Variants in TCP1 observed in about 807,000 individuals in gnomAD.
TCP1 encodes t-complex 1.
TCP1 carries 6 observed loss-of-function variants against 54.7 expected under a neutral mutation model. The observed-to-expected ratio is 0.11, with a 90% CI of 0.06 to 0.22. The LOEUF is 0.22. Ranked by LOEUF, TCP1 falls within the 10% of genes least tolerant of loss-of-function variation. The pLI is 1.00. For synonymous variants in TCP1, 225 were observed against 229.7 expected (o/e 0.98, Z 0.19); for missense variants, 511 against 678.2 (o/e 0.75, Z 2.74).
intron 4 of TCP1, 86 bp from the exon 5 acceptor site, chr6:159,785,582 T>A: frequency 9.3e-7 from 1 of 1,074,944 alleles, no homozygotes; most frequent in Non-Finnish European, 1.4e-6. Context: ...AGAGCCAAAA[T>A]GTCGTAAGTA....
Position 159,789,487 on chromosome 6 carries a change from C to G in TCP1, c.-19G>C. 6.2e-7 allele frequency: 1 copy of G among 1,613,782 alleles called. No homozygotes were observed. The highest frequency in any genetic ancestry group is 2.2e-5 in the East Asian group (1 of 44,844). On this transcript the variant is annotated 5_prime_UTR_variant, in exon 1 of 12. Transcript: ENST00000321394. The stretch of plus-strand genomic sequence containing the variant: ...CCTCCATCTTGACGGCAGCGATACA[C>G]GTCGAATTCTGCTTACACCGCGGGC...
intron 3 of TCP1, among the ~76,000 whole-genome samples, chr6:159,787,162 G>A (rs1483948659): frequency 2.6e-5 from 4 of 152,016 alleles, no homozygotes; most frequent in Admixed American, 2.6e-4. Context: ...GCTAAGGCAG[G>A]AGGATTGCTT....
At chr6:159,780,161 C>A (rs1780538458) in intron 9 of TCP1, 74 bp from the exon 10 acceptor site, 17 of 1,524,300 alleles carry the variant, frequency 1.1e-5, no homozygotes, top group Non-Finnish European at 1.5e-5. Flanking sequence ...ATCAATTTCT[C>A]AAAAAAAATG....
chr6:159,789,297 C>T, intron 1 of TCP1, 108 bp downstream of exon 1: 2 of 1,307,664 alleles, frequency 1.5e-6, no homozygotes, highest in African/African-American at 1.5e-5. Context: ...GGCCCCGAGG[C>T]CCTTTCTGCG....
chr6:159,781,057 T>C lies in TCP1; in HGVS notation c.851A>G (p.Asn284Ser), dbSNP rs777637046. 24 of 1,611,944 alleles carry C rather than the reference T, an allele frequency of 1.5e-5. No individual in the cohort carries two copies. The highest frequency in any genetic ancestry group is 1.5e-5 in the Non-Finnish European group (18 of 1,179,448). ...RIQKILATGANVILTTGGIDD... is the reference protein window; with the variant it reads ...RIQKILATGASVILTTGGIDD... ...AATTCCACCAGTGGTTAGAATAACA[T>C]TGGCACCAGTTGCCAGGATCTTCTG... The change falls in exon 8 of 12, where the codon AAT becomes AGT. Residue 284 changes from asparagine to serine, a missense_variant. Asn to Ser is a conservative substitution (Grantham distance 46). Coordinates refer to ENST00000321394, the MANE Select transcript of TCP1 (RefSeq NM_030752.3).
chr6:159,784,688 G>C lies in TCP1; in HGVS notation c.648C>G (p.Leu216=). 6.2e-7 allele frequency: 1 copy of C among 1,614,004 alleles called. No homozygotes were observed. Among genetic ancestry groups the C allele is most frequent in the Non-Finnish European group, 8.5e-7 (1 of 1,179,930 alleles). The change falls in exon 6 of 12, where the codon CTC becomes CTG. Residue 216 remains leucine, a synonymous_variant. Transcript: ENST00000321394. The stretch of plus-strand genomic sequence containing the variant: ...TACCCTGGGATCCCACCACACAGTT[G>C]AGTGCATAGCCACTGATGAGCATAC... ...MESMLISGYA[L]NCVVGSQGMP...
At chr6:159,779,568 A>G in intron 11 of TCP1, 59 bp downstream of exon 11, 1 of 1,534,470 alleles carries the variant, frequency 6.5e-7, no homozygotes, top group East Asian at 2.3e-5. Context: ...ATTGACTACT[A>G]TCCTTTTTAA....
intron 3 of TCP1, among the ~76,000 whole-genome samples, chr6:159,787,078 TAA>T (rs76955548): frequency 1.5e-5 from 2 of 133,604 alleles, no homozygotes; most frequent in African/African-American, 2.9e-5. Context: ...CCCTGTCTCT[TAA>T]AAAAAAAAAA....
chr6:159,779,846 C>A, intron 10 of TCP1, 49 bp downstream of exon 10: 1 of 1,596,004 alleles, frequency 6.3e-7, no homozygotes. Context: ...AAATTGAAGT[C>A]CACAGCTACT....
chr6:159,787,595 C>G (rs200792405), intron 3 of TCP1, 148 bp downstream of exon 3: 2 of 687,148 alleles, frequency 2.9e-6, no homozygotes, highest in Non-Finnish European at 4.1e-6. Context: ...TGTGTAACTT[C>G]TTTTGTTTTT....
intron 4 of TCP1, 190 bp from the exon 5 acceptor site, chr6:159,785,686 G>A (rs776331814): frequency 8.9e-6 from 7 of 789,618 alleles, no homozygotes; most frequent in Non-Finnish European, 1.6e-5. Context: ...CATAAGCATA[G>A]CCACTAAAAT....
rs763499377 is a variant in TCP1, at chr6:159,784,085, ATTAAG to A, written c.671-23_671-19del. On this transcript the variant is annotated intron_variant, in intron 6 of 11. Coordinates refer to ENST00000321394, the MANE Select transcript of TCP1 (RefSeq NM_030752.3). ...GGGCATGCCTACAATTGAACATAAGATTAAGTTAATACGTCTATCCTTAAAAGCAT... is the reference window on the plus strand; with the variant it reads ...GGGCATGCCTACAATTGAACATAAGATTAATACGTCTATCCTTAAAAGCAT... The A allele has an allele frequency of 7.8e-5, 125 of 1,610,352 alleles. No individual in the cohort carries two copies. In the African/African-American group the frequency reaches 1.4e-3, roughly 18 times the overall value.
intron 8 of TCP1, 99 bp from the exon 9 acceptor site, chr6:159,780,665 G>A (rs1780555899): frequency 2.0e-6 from 3 of 1,478,004 alleles, no homozygotes; most frequent in South Asian, 2.7e-5. Context: ...TATATTACAA[G>A]TTTAGAATTT....
At position 159,789,507 on chromosome 6, in the gene TCP1, G is replaced by A. The variant is rs2115001201; in HGVS notation, c.-39C>T. Reference sequence around the variant, plus strand: ...ATACACGTCGAATTCTGCTTACACCGCGGGCAACCAGTATCGCGGCCCCTC... The same window carrying A: ...ATACACGTCGAATTCTGCTTACACCACGGGCAACCAGTATCGCGGCCCCTC... On this transcript the variant is annotated 5_prime_UTR_variant, in exon 1 of 12. Coordinates refer to ENST00000321394, the MANE Select transcript of TCP1 (RefSeq NM_030752.3). 6.2e-7 allele frequency: 1 copy of A among 1,612,812 alleles called. No individual in the cohort carries two copies. Among genetic ancestry groups the A allele is most frequent in the Non-Finnish European group, 8.5e-7 (1 of 1,179,148 alleles).
At chr6:159,787,265 A>T (rs887754427) in intron 3 of TCP1, among the ~76,000 whole-genome samples, 3 of 152,006 alleles carry the variant, frequency 2.0e-5, no homozygotes, top group Non-Finnish European at 2.9e-5. Flanking sequence ...ATAATATAAA[A>T]ACATTGTTTC....
rs752089758 is a variant in TCP1 at position 159,780,574 on chromosome 6, G to A, written c.974-8C>T. The A allele has an allele frequency of 6.2e-7, 1 of 1,610,092 alleles. No homozygotes were observed. The highest frequency in any genetic ancestry group is 1.7e-5 in the Admixed American group (1 of 59,058). On this transcript the variant is annotated splice_region_variant and splice_polypyrimidine_tract_variant and intron_variant, in intron 8 of 11. Transcript: ENST00000321394. The stretch of plus-strand genomic sequence containing the variant: ...GGGTTGACAGAATAGTTGCTAATAA[G>A]AGAGTTACAAAGGATCTGTGAATAT...
intron 3 of TCP1, 74 bp downstream of exon 3, chr6:159,787,669 C>T: frequency 1.9e-6 from 3 of 1,547,864 alleles, no homozygotes; most frequent in Middle Eastern, 2.4e-4. Flanking sequence ...GCACAAATGA[C>T]CCACTTATGG....
At chr6:159,785,861 TA>T (rs1780685200) in intron 4 of TCP1, 38 bp downstream of exon 4, 1 of 1,509,730 alleles carries the variant, frequency 6.6e-7, no homozygotes, top group Non-Finnish European at 9.2e-7. Flanking sequence ...TTACAACTAT[TA>T]CATCAAAAAA....
At chr6:159,786,408 CTAAGAAACTAGTTCAGCAA>C (rs1214591562) in intron 3 of TCP1, among the ~76,000 whole-genome samples, 1 of 152,132 alleles carries the variant, frequency 6.6e-6, no homozygotes, top group Non-Finnish European at 1.5e-5. Flanking sequence ...GAAAAATGTT[CTAAGAAACTAGTTCAGCAA>C]TAAGAAACTA....
Sources: gnomAD v4.1 joint callset for allele counts (sites outside exome capture counted in the v4.1 genomes callset) on GRCh38, gnomAD v4.1.1 for gene constraint, MANE v1.5 for transcripts, NCBI Gene and HGNC (gene_info 2026-07-23, HGNC 2026-07-21) for gene names.